PRKAA2: variants seen among roughly 807,000 people sequenced by gnomAD.
PRKAA2 encodes the protein 5'-AMP-activated protein kinase catalytic subunit alpha-2.
Under a neutral mutation model 56.3 loss-of-function variants are expected in PRKAA2, and 40 were observed. The ratio of observed to expected loss-of-function variants is 0.71; its 90% CI spans 0.55 to 0.92. The LOEUF (loss-of-function observed/expected upper bound fraction) is 0.92. Among genes scored for constraint, PRKAA2 ranks in the 40% least tolerant of loss-of-function variants. The pLI is 0.00. For missense variants in PRKAA2, 542 were observed against 686.9 expected (o/e 0.79, Z 2.36); for synonymous variants, 214 against 234.2 (o/e 0.91, Z 0.79).
At chr1:56,650,897 TAAAC>T (rs926501581) in intron 1 of PRKAA2, among the ~76,000 whole-genome samples, 47 of 152,330 alleles carry the variant, frequency 3.1e-4, no homozygotes, top group Middle Eastern at 3.4e-3. Flanking sequence ...AACCAAAACT[TAAAC>T]AAACAAACAA....
intron 5 of PRKAA2, 40 bp downstream of exon 5, chr1:56,693,892 T>C (rs1466108879): frequency 1.5e-6 from 2 of 1,345,432 alleles, no homozygotes; most frequent in Non-Finnish European, 2.1e-6. Context: ...TAATCTTGTG[T>C]TCATTTTGAT....
At chr1:56,685,560 G>A (rs1267545416) in intron 2 of PRKAA2, among the ~76,000 whole-genome samples, 1 of 152,112 alleles carries the variant, frequency 6.6e-6, no homozygotes, top group African/African-American at 2.4e-5. Context: ...CTTCCAATGT[G>A]TCAGAAAAAG....
chr1:56,671,689 G>T (rs1397223659), intron 1 of PRKAA2, among the ~76,000 whole-genome samples: 1 of 152,142 alleles, frequency 6.6e-6, no homozygotes, highest in Non-Finnish European at 1.5e-5. Flanking sequence ...TACATGTTTG[G>T]AGTACTCTGA....
intron 1 of PRKAA2, among the ~76,000 whole-genome samples, chr1:56,662,277 T>C (rs1385806657): frequency 6.6e-6 from 1 of 152,122 alleles, no homozygotes; most frequent in African/African-American, 2.4e-5. Flanking sequence ...AGTTTAACTT[T>C]TGATTAAAAA....
intron 6 of PRKAA2, among the ~76,000 whole-genome samples, chr1:56,697,130 C>T (rs1025757743): frequency 6.7e-6 from 1 of 150,336 alleles, no homozygotes; most frequent in African/African-American, 2.4e-5. Flanking sequence ...CCTCCCACCC[C>T]AGGCTCCTGA....
chr1:56,694,510 A>G (rs1644246696), intron 5 of PRKAA2, among the ~76,000 whole-genome samples: 1 of 152,216 alleles, frequency 6.6e-6, no homozygotes, highest in South Asian at 2.1e-4. Context: ...AAGATACAAT[A>G]AAGGTGATAG....
At chr1:56,654,938 TA>T (rs1030488347) in intron 1 of PRKAA2, among the ~76,000 whole-genome samples, 23 of 151,992 alleles carry the variant, frequency 1.5e-4, no homozygotes, top group Non-Finnish European at 2.8e-4. Flanking sequence ...AGATAATTTA[TA>T]AAATCTTGCT....
chr1:56,704,490 T>C lies in PRKAA2; in HGVS notation c.1293+15T>C. 6.4e-7 allele frequency: 1 copy of C among 1,563,226 alleles called. No individual in the cohort carries two copies. Among genetic ancestry groups the C allele is most frequent in the South Asian group, 1.2e-5 (1 of 81,544 alleles). On this transcript the variant is annotated intron_variant, in intron 7 of 8. Coordinates refer to ENST00000371244, the MANE Select transcript of PRKAA2 (RefSeq NM_006252.4). The stretch of plus-strand genomic sequence containing the variant: ...TTGAATGGAAGGTAGGAAATTATAA[T>C]GTAATAAGATCATTTGTAGAAGCCA...
intron 1 of PRKAA2, among the ~76,000 whole-genome samples, chr1:56,670,780 T>C (rs1185490918): frequency 1.3e-5 from 2 of 152,222 alleles, no homozygotes; most frequent in African/African-American, 4.8e-5. Context: ...TATTTACGTG[T>C]ATACATGATA....
intron 1 of PRKAA2, among the ~76,000 whole-genome samples, chr1:56,672,627 A>G (rs1644085668): frequency 6.6e-6 from 1 of 152,180 alleles, no homozygotes; most frequent in Admixed American, 6.5e-5. Flanking sequence ...ACATAAAGGA[A>G]GCCATCTGAG....
intron 6 of PRKAA2, among the ~76,000 whole-genome samples, chr1:56,698,318 T>C (rs2100430781): frequency 6.6e-6 from 1 of 152,344 alleles, no homozygotes; most frequent in South Asian, 2.1e-4. Context: ...CTTTATGGCT[T>C]AACTTATGTT....
At chr1:56,668,269 T>TG (rs1179440916) in intron 1 of PRKAA2, among the ~76,000 whole-genome samples, 3 of 41,280 alleles carry the variant, frequency 7.3e-5, no homozygotes, top group East Asian at 7.3e-4. Flanking sequence ...TGTTGTGGGG[T>TG]GGGGGGAGGG....
chr1:56,693,782 T>G lies in PRKAA2; in HGVS notation c.493T>G (p.Ser165Ala). Residue 165 changes from serine (S) to alanine (A), a missense_variant, in exon 5 of 9, where the codon TCA (serine) becomes GCA (alanine). Transcript: ENST00000371244. ...ATTTTTAGGATTATCTAATATGATG[T>G]CAGATGGTGAATTTCTGAGAACTAG... The part of the protein sequence containing the change: ...IADFGLSNMM[S>A]DGEFLRTSCG... 14 of 1,594,098 alleles carry G rather than the reference T, an allele frequency of 8.8e-6. No individual in the cohort carries two copies. The highest frequency in any genetic ancestry group is 1.1e-5 in the Non-Finnish European group (13 of 1,165,108).
intron 6 of PRKAA2, among the ~76,000 whole-genome samples, chr1:56,699,984 A>G (rs574597748): frequency 5.3e-4 from 80 of 152,288 alleles, no homozygotes; most frequent in Admixed American, 2.4e-3. Context: ...CATTTAGTTT[A>G]TGCATTAGTT....
intron 2 of PRKAA2, among the ~76,000 whole-genome samples, chr1:56,686,276 T>C (rs1458423805): frequency 6.6e-6 from 1 of 152,222 alleles, no homozygotes; most frequent in Non-Finnish European, 1.5e-5. Flanking sequence ...TTTCTAAAGA[T>C]TTTAGCATTG....
chr1:56,682,170 G>A (rs1644159932), intron 2 of PRKAA2, among the ~76,000 whole-genome samples: 1 of 152,056 alleles, frequency 6.6e-6, no homozygotes, highest in Non-Finnish European at 1.5e-5. Flanking sequence ...GCTGTTCTAG[G>A]CATAGGGGAT....
At chr1:56,654,751 C>G (rs1643927082) in intron 1 of PRKAA2, among the ~76,000 whole-genome samples, 1 of 151,978 alleles carries the variant, frequency 6.6e-6, no homozygotes, top group Admixed American at 6.6e-5. Context: ...TAATAGAAGC[C>G]TTCTTCACCC....
At chr1:56,678,435 A>G (rs1473457256) in intron 2 of PRKAA2, among the ~76,000 whole-genome samples, 1 of 152,220 alleles carries the variant, frequency 6.6e-6, no homozygotes, top group African/African-American at 2.4e-5. Context: ...ATTGAATGCC[A>G]AGAATGAAGG....
chr1:56,678,445 G>A lies in PRKAA2; in HGVS notation c.236+3923G>A, dbSNP rs116677022. ...TGAGCATTGAATGCCAAGAATGAAG[G>A]ATATTTATTGCATGATTTCTTTATT... On this transcript the variant is annotated intron_variant, in intron 2 of 8. Transcript: ENST00000371244. 3.5e-3 allele frequency among the ~76,000 whole-genome samples: 527 copies of A among 151,984 alleles called. 1 individual carries two copies. The highest frequency in any genetic ancestry group is 6.4e-3 in the Non-Finnish European group (434 of 67,980).
Sources: allele counts gnomAD v4.1 joint callset (sites outside exome capture counted in the v4.1 genomes callset), GRCh38; gene constraint gnomAD v4.1.1; transcripts MANE v1.5; gene names NCBI Gene and HGNC (gene_info 2026-07-23, HGNC 2026-07-21).